AGAP1: variants seen among roughly 807,000 people sequenced by gnomAD.
AGAP1 encodes arf-GAP with GTPase, ANK repeat and PH domain-containing protein 1.
Under a neutral mutation model 105.3 loss-of-function variants are expected in AGAP1, and 29 were observed. The ratio of observed to expected loss-of-function variants is 0.28; its 90% CI spans 0.21 to 0.38. AGAP1 has a LOEUF of 0.38. Among genes scored for constraint, AGAP1 ranks in the 10% least tolerant of loss-of-function variants. AGAP1 has a pLI of 1.00. For synonymous variants in AGAP1, 509 were observed against 485.9 expected (o/e 1.05, Z -0.63); for missense variants, 998 against 1,165.1 (o/e 0.86, Z 2.09).
At chr2:235,755,329 C>T (rs964037652) in intron 6 of AGAP1, among the ~76,000 whole-genome samples, 1 of 145,582 alleles carries the variant, frequency 6.9e-6, no homozygotes, top group Non-Finnish European at 1.5e-5. Flanking sequence ...TTAAATTTTT[C>T]AAAAGTCCCT....
At position 235,599,500 on chromosome 2, in the gene AGAP1, A is replaced by G. The variant is rs1945656381; in HGVS notation, c.163+104651A>G. Among the ~76,000 whole-genome samples, 1 of 152,090 alleles carries G rather than the reference A, an allele frequency of 6.6e-6. No homozygotes were observed. Among genetic ancestry groups the G allele is most frequent in the African/African-American group, 2.4e-5 (1 of 41,430 alleles). On this transcript the variant is annotated intron_variant, in intron 1 of 17. Transcript: ENST00000304032. This position sits in a 1 kb window ranked among gnomAD's most constrained non-coding sequence, Gnocchi z 5.3. ...TGGGAAATGACTGCAAAGCTATCTT[A>G]CTCTTTATTCCATAGCCACAAAAAT...
rs1020558036 is a variant in AGAP1 at position 235,787,149 on chromosome 2, C to T, written c.674-10610C>T. Among the ~76,000 whole-genome samples the T allele has an allele frequency of 7.9e-5, 12 of 152,228 alleles. No homozygotes were observed. The highest frequency in any genetic ancestry group is 2.4e-4 in the African/African-American group (10 of 41,472). ...TTCTCACTTCTTGTCTTTGAGTTCTCAGGCTTCTCCCCTCTCCTGTTGTAA... is the reference window on the plus strand; with the variant it reads ...TTCTCACTTCTTGTCTTTGAGTTCTTAGGCTTCTCCCCTCTCCTGTTGTAA... On this transcript the variant is annotated intron_variant, in intron 6 of 17. Transcript: ENST00000304032. This position sits in a 1 kb window ranked among gnomAD's most constrained non-coding sequence, Gnocchi z 4.4.
Position 235,906,414 on chromosome 2 carries a change from TC to T in AGAP1, c.1156-2322del, listed in dbSNP as rs2051308569. 6.6e-6 allele frequency among the ~76,000 whole-genome samples: 1 copy of T among 152,292 alleles called. No individual in the cohort carries two copies. Among genetic ancestry groups the T allele is most frequent in the Middle Eastern group, 3.4e-3 (1 of 294 alleles). ...TGAGCTTTCTGTCTGCACCAAGACT[TC>T]CGTCCTCAGGGGTCACCAGGGACCC... On this transcript the variant is annotated intron_variant, in intron 10 of 17. Coordinates refer to ENST00000304032, the MANE Select transcript of AGAP1 (RefSeq NM_001037131.3). This position sits in a 1 kb window ranked among gnomAD's most constrained non-coding sequence, Gnocchi z 5.3.
chr2:235,976,019 A>G lies in AGAP1; in HGVS notation c.1645+7396A>G, dbSNP rs1276571616. Among the ~76,000 whole-genome samples, 1 of 152,078 alleles carries G rather than the reference A, an allele frequency of 6.6e-6. No individual in the cohort carries two copies. Among genetic ancestry groups the G allele is most frequent in the African/African-American group, 2.4e-5 (1 of 41,354 alleles). On this transcript the variant is annotated intron_variant, in intron 13 of 17. Transcript: ENST00000304032. The surrounding 1 kb of genome is among the most constrained non-coding windows in gnomAD (Gnocchi z 4.5). ...CCAAGAATGAGAACATCTTCCTGGG[A>G]GATACACTGGAAATGCAGTAGCGAA...
chr2:235,714,725 C>T lies in AGAP1; in HGVS notation c.223-2832C>T, dbSNP rs574628457. 4.6e-5 allele frequency among the ~76,000 whole-genome samples: 7 copies of T among 152,248 alleles called. No homozygotes were observed. The highest frequency in any genetic ancestry group is 1.7e-4 in the African/African-American group (7 of 41,552). ...CAGCAGACCACGGTGGCCTGTAAAT[C>T]ACTGAGAACCTTTTTTCCACACTGT... On this transcript the variant is annotated intron_variant, in intron 2 of 17. Coordinates refer to ENST00000304032, the MANE Select transcript of AGAP1 (RefSeq NM_001037131.3). This position sits in a 1 kb window ranked among gnomAD's most constrained non-coding sequence, Gnocchi z 4.1.
intron 6 of AGAP1, among the ~76,000 whole-genome samples, chr2:235,755,192 C>A (rs34198201): frequency 0.2 from 30,074 of 152,184 alleles, 3,679 homozygotes; most frequent in East Asian, 0.49. Flanking sequence ...TAGATTGCTT[C>A]ACAGCCAGCG....
rs1414649954 is a variant in AGAP1 at position 236,045,166 on chromosome 2, T to C, written c.1892-3893T>C. On this transcript the variant is annotated intron_variant, in intron 15 of 17. Transcript: ENST00000304032. This position sits in a 1 kb window ranked among gnomAD's most constrained non-coding sequence, Gnocchi z 6.9. Reference sequence around the variant, plus strand: ...CCTGGCCTTCGGCGATCCTCCCCCATTGACCTCCCAAAGTGCTGGGATTAT... The same window carrying C: ...CCTGGCCTTCGGCGATCCTCCCCCACTGACCTCCCAAAGTGCTGGGATTAT... Among the ~76,000 whole-genome samples the C allele has an allele frequency of 1.3e-5, 2 of 152,164 alleles. No homozygotes were observed. The highest frequency in any genetic ancestry group is 6.5e-5 in the Admixed American group (1 of 15,282).
chr2:235,854,310 C>T (rs772170602), intron 9 of AGAP1, among the ~76,000 whole-genome samples: 15 of 152,336 alleles, frequency 9.8e-5, no homozygotes, highest in Admixed American at 3.3e-4. Context: ...GCTCCTCCCC[C>T]GCATCCAACT....
intron 13 of AGAP1, among the ~76,000 whole-genome samples, chr2:235,974,544 C>T (rs1575940280): frequency 6.6e-6 from 1 of 152,280 alleles, no homozygotes; most frequent in Middle Eastern, 3.4e-3. Flanking sequence ...CATCTTGTTC[C>T]TTTGGTTGTT....
chr2:235,823,698 T>C (rs1958924448), intron 9 of AGAP1, among the ~76,000 whole-genome samples: 1 of 152,202 alleles, frequency 6.6e-6, no homozygotes, highest in African/African-American at 2.4e-5. Flanking sequence ...CCCAGATATT[T>C]TTATTGTATT....
chr2:235,819,114 TTTC>T (rs202145146), intron 9 of AGAP1, among the ~76,000 whole-genome samples: 32,868 of 142,388 alleles, frequency 0.23, 3,667 homozygotes, highest in Admixed American at 0.36. Context: ...TTTCTTTTCT[TTTC>T]TTTTTTTTTT....
intron 1 of AGAP1, among the ~76,000 whole-genome samples, chr2:235,564,605 C>CA: frequency 7.0e-6 from 1 of 143,368 alleles, no homozygotes; most frequent in Middle Eastern, 4.0e-3. Context: ...CACCCACAGC[C>CA]AGGTGTGAGC....
rs565058710 is a variant in AGAP1 at position 236,013,392 on chromosome 2, A to G, written c.1646-23169A>G. ...ACGCCGAACCTACAACCACAGCCTC[A>G]GCTGTAGTGTTCGAAATGGAGAATT... is the stretch of plus-strand genomic sequence containing the variant. On this transcript the variant is annotated intron_variant, in intron 13 of 17. Coordinates refer to ENST00000304032, the MANE Select transcript of AGAP1 (RefSeq NM_001037131.3). Among the ~76,000 whole-genome samples the G allele has an allele frequency of 3.3e-5, 5 of 152,348 alleles. No individual in the cohort carries two copies. In the East Asian group the frequency reaches 9.6e-4, roughly 29 times the overall value.
chr2:235,952,527 TGTAA>T (rs2053780051), intron 12 of AGAP1, among the ~76,000 whole-genome samples: 1 of 152,228 alleles, frequency 6.6e-6, no homozygotes, highest in African/African-American at 2.4e-5. Context: ...CCCCTGTGTC[TGTAA>T]GTCAGTCTGT....
chr2:235,554,825 A>G (rs12619978), intron 1 of AGAP1, among the ~76,000 whole-genome samples: 18,555 of 151,994 alleles, frequency 0.12, 1,450 homozygotes, highest in African/African-American at 0.22. Flanking sequence ...GCCTGCCACC[A>G]TGCCTGACTA....
intron 10 of AGAP1, among the ~76,000 whole-genome samples, chr2:235,895,945 G>T (rs1015128655): frequency 7.2e-5 from 11 of 152,114 alleles, no homozygotes; most frequent in African/African-American, 2.7e-4. Context: ...TTTGTTTGTT[G>T]CTTTTTTCAT....
rs561344269 is a variant in AGAP1 at position 235,949,029 on chromosome 2, GAAT to G, written c.1483+18108_1483+18110del. ...CGAATTATAATTTTTAATAGTCAGT[GAAT>G]ATTTTCACCTGCCTAGATGGGGAGC... On this transcript the variant is annotated intron_variant, in intron 12 of 17. Transcript: ENST00000304032. Among the ~76,000 whole-genome samples, 67 of 152,326 alleles carry G rather than the reference GAAT, an allele frequency of 4.4e-4. 1 individual carries two copies. Among genetic ancestry groups the G allele is most frequent in the African/African-American group, 1.6e-3 (65 of 41,568 alleles).
intron 1 of AGAP1, among the ~76,000 whole-genome samples, chr2:235,539,555 C>G (rs1943364501): frequency 6.6e-6 from 1 of 152,110 alleles, no homozygotes; most frequent in Admixed American, 6.5e-5. Flanking sequence ...TTTTCTCTTT[C>G]ACCTCCTCTC....
chr2:235,694,888 A>G (rs1436026922), intron 1 of AGAP1, among the ~76,000 whole-genome samples: 2 of 152,176 alleles, frequency 1.3e-5, no homozygotes, highest in Admixed American at 6.5e-5. Flanking sequence ...ACCAGGATGC[A>G]TGGGGGGTTC....
Sources: allele counts gnomAD v4.1 joint callset (sites outside exome capture counted in the v4.1 genomes callset), GRCh38; gene constraint gnomAD v4.1.1; non-coding constraint Gnocchi (gnomAD v3.1); transcripts MANE v1.5; gene names NCBI Gene and HGNC (gene_info 2026-07-23, HGNC 2026-07-21).